ZNF618: variants seen among roughly 807,000 people sequenced by gnomAD.
ZNF618 encodes the protein zinc finger protein 618.
A neutral mutation model predicts 103.0 loss-of-function variants in ZNF618; 34 were observed. That is an observed-to-expected ratio of 0.33 (90% CI 0.25 to 0.44). The LOEUF is 0.44. ZNF618 is among the 20% of genes least tolerant of loss of function. The pLI, the probability that ZNF618 is intolerant of heterozygous loss-of-function variation, is 1.00. For missense variants in ZNF618, 1,059 were observed against 1,295.4 expected, an observed-to-expected ratio of 0.82 and a Z score of 2.80; for synonymous variants, 551 against 542.2, an observed-to-expected ratio of 1.02 and a Z score of -0.23.
At position 114,048,916 on chromosome 9, in the gene ZNF618, C is replaced by T. The variant is rs778199359; in HGVS notation, c.1614C>T (p.Thr538=). The change falls in exon 15 of 15, where the codon ACC becomes ACT. Residue 538 remains threonine, a synonymous_variant. Transcript: ENST00000374126. ...ACAACCAGGTGAAGGTGAAAGTGAC[C>T]TGTGCCTTGGGCAGCAATGCCTGCC... The part of the protein sequence containing the change: ...RMYNQVKVKV[T]CALGSNACLG... 8 of 1,608,854 alleles carry T rather than the reference C, an allele frequency of 5.0e-6. No individual in the cohort carries two copies. Among genetic ancestry groups the T allele is most frequent in the Non-Finnish European group, 6.8e-6 (8 of 1,177,636 alleles).
At chr9:114,011,952 G>C (rs750112223) in intron 9 of ZNF618, among the ~76,000 whole-genome samples, 2 of 151,866 alleles carry the variant, frequency 1.3e-5, no homozygotes, top group Non-Finnish European at 2.9e-5. Context: ...TGTTGAAACA[G>C]AGTAAGTCTG....
chr9:113,951,429 G>GTA lies in ZNF618; in HGVS notation c.34-17687_34-17686insAT, dbSNP rs1835622082. Among the ~76,000 whole-genome samples the GTA allele has an allele frequency of 3.3e-3, 46 of 14,046 alleles. 2 individuals carry two copies. Among genetic ancestry groups the GTA allele is most frequent in the African/African-American group, 8.8e-3 (45 of 5,092 alleles). The allele number at this position is 14,046 out of a possible 152,430, so 9.2% of individuals were successfully genotyped here. A position where few individuals can be genotyped will look rare whatever the true frequency, so the allele number is the denominator to read the frequency against. ...TATATATACACACATATATGTGTGTGTGTATATATATACATATATGTGTAT... is the reference window on the plus strand; with the variant it reads ...TATATATACACACATATATGTGTGTGTATGTATATATATACATATATGTGTAT... On this transcript the variant is annotated intron_variant, in intron 1 of 14. Transcript: ENST00000374126.
At position 113,956,236 on chromosome 9, in the gene ZNF618, AAAAG is replaced by A. The variant is rs1330145291; in HGVS notation, c.34-12878_34-12875del. 1.8e-3 allele frequency among the ~76,000 whole-genome samples: 271 copies of A among 150,206 alleles called. 3 individuals are homozygous for A. Among genetic ancestry groups the A allele is most frequent in the African/African-American group, 6.3e-3 (256 of 40,470 alleles). ...AAAAAAAAAAAAAAAAAAAAAAAAA[AAAAG>A]AAGAGCATTGGACTAGATTAGAGGG... On this transcript the variant is annotated intron_variant, in intron 1 of 14. Transcript: ENST00000374126.
chr9:113,973,454 G>A lies in ZNF618; in HGVS notation c.77+4294G>A, dbSNP rs372241372. On this transcript the variant is annotated intron_variant, in intron 2 of 14. Transcript: ENST00000374126. ...CAAAATCAACAGCATGGGCTGCTAC[G>A]GAATTAGTGTTAAATTGAGGGGGAC... Among the ~76,000 whole-genome samples the A allele has an allele frequency of 3.0e-3, 457 of 152,284 alleles. 1 individual carries two copies. Among genetic ancestry groups the A allele is most frequent in the African/African-American group, 7.4e-3 (308 of 41,556 alleles).
At chr9:113,999,808 A>G (rs1358233443) in intron 4 of ZNF618, among the ~76,000 whole-genome samples, 11 of 152,196 alleles carry the variant, frequency 7.2e-5, no homozygotes, top group African/African-American at 2.7e-4. Flanking sequence ...GAGGACAGGG[A>G]GCACACCTTG....
chr9:114,028,867 T>C lies in ZNF618; in HGVS notation c.979T>C (p.Ser327Pro), dbSNP rs1843746952. The change falls in exon 11 of 15, where the codon TCC becomes CCC. Residue 327 changes from serine (S) to proline (P), a missense_variant. Transcript: ENST00000374126. The stretch of plus-strand genomic sequence containing the variant: ...CCAGTCGGGGAAAAAAGCTCCGGCC[T>C]CCGTGGTCCGATGTGCCACCCTCTT... The part of the protein sequence containing the change: ...TNQSGKKAPA[S>P]VVRCATLLHR... 1 of 1,550,522 alleles carries C rather than the reference T, an allele frequency of 6.4e-7. No homozygotes were observed. Among genetic ancestry groups the C allele is most frequent in the Non-Finnish European group, 8.7e-7 (1 of 1,146,918 alleles).
chr9:113,891,265 T>A lies in ZNF618; in HGVS notation c.33+14852T>A, dbSNP rs1829594512. On this transcript the variant is annotated intron_variant, in intron 1 of 14. Transcript: ENST00000374126. The stretch of plus-strand genomic sequence containing the variant: ...TCATATGTATTTGGTAAGGGGTTAA[T>A]ATCCAGAATATATAAAGAAATCCTA... 3.9e-5 allele frequency among the ~76,000 whole-genome samples: 6 copies of A among 152,326 alleles called. No homozygotes were observed. In the South Asian group the frequency reaches 1.2e-3, roughly 32 times the overall value.
At chr9:113,882,421 C>T (rs1222129251) in intron 1 of ZNF618, among the ~76,000 whole-genome samples, 3 of 152,152 alleles carry the variant, frequency 2.0e-5, no homozygotes, top group East Asian at 1.9e-4. Context: ...GACTCTCAGC[C>T]GGTCTGAGGG....
Position 114,047,487 on chromosome 9 carries a change from G to C in ZNF618, c.1247-406G>C, listed in dbSNP as rs374160261. ...GAGTATGAGGAGTTTTTGGCCACTT[G>C]GGGGGTGTAGCTGGTACTCCCTCCC... On this transcript the variant is annotated intron_variant, in intron 13 of 14. Coordinates refer to ENST00000374126, the MANE Select transcript of ZNF618 (RefSeq NM_001318042.2). 2.7e-4 allele frequency among the ~76,000 whole-genome samples: 41 copies of C among 152,216 alleles called. 1 individual carries two copies. The East Asian group carries it at 6.8e-3, about 25-fold the overall frequency.
intron 2 of ZNF618, among the ~76,000 whole-genome samples, chr9:113,987,295 T>G (rs1839575328): frequency 6.6e-6 from 1 of 152,214 alleles, no homozygotes; most frequent in East Asian, 1.9e-4. Flanking sequence ...GGGACCTGGC[T>G]TCCTGCCTTG....
At chr9:113,936,040 G>A (rs904108120) in intron 1 of ZNF618, among the ~76,000 whole-genome samples, 28 of 152,130 alleles carry the variant, frequency 1.8e-4, no homozygotes, top group Admixed American at 1.4e-3. Flanking sequence ...CTGCATCCTC[G>A]AAATCCTGGG....
At chr9:113,903,492 A>C (rs1303612817) in intron 1 of ZNF618, among the ~76,000 whole-genome samples, 1 of 151,354 alleles carries the variant, frequency 6.6e-6, no homozygotes. Context: ...TTTTTTAATC[A>C]ACACTCAGTA....
At chr9:113,965,191 G>A (rs1254846065) in intron 1 of ZNF618, among the ~76,000 whole-genome samples, 1 of 151,994 alleles carries the variant, frequency 6.6e-6, no homozygotes, top group Non-Finnish European at 1.5e-5. Context: ...TATCGAAATC[G>A]TTGGCCAGCC....
In ZNF618 at chr9:114,002,090, T is replaced by C; in HGVS notation, c.511+17T>C. On this transcript the variant is annotated intron_variant, in intron 5 of 14. Transcript: ENST00000374126. ...CGCACCGAGGTGAGAGGAGTGTCCCTGGGGCAGAGCCCAGGGGCCGCACCT... is the reference window on the plus strand; with the variant it reads ...CGCACCGAGGTGAGAGGAGTGTCCCCGGGGCAGAGCCCAGGGGCCGCACCT... 6.2e-7 allele frequency: 1 copy of C among 1,610,042 alleles called. No individual in the cohort carries two copies. Among genetic ancestry groups the C allele is most frequent in the South Asian group, 1.1e-5 (1 of 91,056 alleles).
chr9:114,033,942 G>T (rs1844342679), intron 12 of ZNF618, among the ~76,000 whole-genome samples: 1 of 152,182 alleles, frequency 6.6e-6, no homozygotes, highest in Non-Finnish European at 1.5e-5. Context: ...GGAGGCATCT[G>T]CCTAGTAACA....
At chr9:113,894,524 T>G (rs937674859) in intron 1 of ZNF618, among the ~76,000 whole-genome samples, 2 of 152,216 alleles carry the variant, frequency 1.3e-5, no homozygotes, top group Non-Finnish European at 2.9e-5. Flanking sequence ...TAGCTTTGTA[T>G]TTGTAATTGT....
intron 1 of ZNF618, among the ~76,000 whole-genome samples, chr9:113,883,170 A>G (rs1828692759): frequency 6.6e-6 from 1 of 152,224 alleles, no homozygotes; most frequent in Non-Finnish European, 1.5e-5. Flanking sequence ...CCATTTGGTC[A>G]AAGCCAATGT....
chr9:113,939,985 C>A (rs1834404666), intron 1 of ZNF618, among the ~76,000 whole-genome samples: 1 of 151,658 alleles, frequency 6.6e-6, no homozygotes, highest in East Asian at 1.9e-4. Flanking sequence ...TCATTTTCTG[C>A]TTTCTTTTGG....
At chr9:113,899,316 T>C (rs6478047) in intron 1 of ZNF618, among the ~76,000 whole-genome samples, 95,237 of 151,894 alleles carry the variant, frequency 0.63, 30,109 homozygotes, top group Admixed American at 0.68. Context: ...CTTCCCCCAG[T>C]CCCTGGTAGC....
Sources: gnomAD v4.1 joint callset for allele counts (sites outside exome capture counted in the v4.1 genomes callset) on GRCh38, gnomAD v4.1.1 for gene constraint, MANE v1.5 for transcripts, NCBI Gene and HGNC (gene_info 2026-07-23, HGNC 2026-07-21) for gene names.